Variants in CADM1 observed in about 807,000 individuals in gnomAD.
CADM1 encodes the protein TSLC-1.
A neutral mutation model predicts 53.1 loss-of-function variants in CADM1; 15 were observed. That is an observed-to-expected ratio of 0.28 (90% CI 0.19 to 0.44). CADM1 has a LOEUF of 0.44. Among genes scored for constraint, CADM1 ranks in the 20% least tolerant of loss-of-function variants. The probability of loss-of-function intolerance (pLI) is 1.00; values close to 1 mark genes in which losing one functional copy is unlikely to be tolerated. For synonymous variants in CADM1, 281 were observed against 243.0 expected (o/e 1.16, Z -1.45); for missense variants, 434 against 611.3 (o/e 0.71, Z 3.06).
At chr11:115,178,797 T>A in intron 10 of CADM1, 22 bp from the exon 11 acceptor site, 2 of 1,613,350 alleles carry the variant, frequency 1.2e-6, no homozygotes, top group Non-Finnish European at 1.7e-6. Flanking sequence ...AGAAGAGGAA[T>A]AGGGATGTAG....
intron 1 of CADM1, among the ~76,000 whole-genome samples, chr11:115,367,576 A>G (rs1946196608): frequency 6.6e-6 from 1 of 152,180 alleles, no homozygotes; most frequent in Non-Finnish European, 1.5e-5. Context: ...CCCACTGCCC[A>G]GTCAACCACT....
intron 1 of CADM1, among the ~76,000 whole-genome samples, chr11:115,503,672 A>T (rs1251990674): frequency 2.0e-5 from 3 of 151,962 alleles, no homozygotes; most frequent in Non-Finnish European, 2.9e-5. Flanking sequence ...GGGAAACACG[A>T]GAGGCGTGCA....
At chr11:115,229,380 T>C (rs1277504318) in intron 4 of CADM1, 109 bp from the exon 5 acceptor site, 19 of 989,852 alleles carry the variant, frequency 1.9e-5, no homozygotes, top group Middle Eastern at 2.4e-4. Context: ...TTTTAACAAA[T>C]ATGATGGCAG....
intron 1 of CADM1, chr11:115,256,739 G>A: frequency 2.2e-6 from 1 of 450,094 alleles, no homozygotes; most frequent in Admixed American, 2.4e-5. Flanking sequence ...CCTATTGTTT[G>A]TGTTCCTTAA....
intron 1 of CADM1, among the ~76,000 whole-genome samples, chr11:115,503,702 A>T (rs1949785653): frequency 6.6e-6 from 1 of 152,080 alleles, no homozygotes; most frequent in Non-Finnish European, 1.5e-5. Context: ...CAGGGGAGAA[A>T]GGCAGAGCGC....
At chr11:115,486,960 T>C (rs970283147) in intron 1 of CADM1, among the ~76,000 whole-genome samples, 3 of 152,162 alleles carry the variant, frequency 2.0e-5, no homozygotes, top group Non-Finnish European at 4.4e-5. Context: ...ACCAGTTCTC[T>C]GCTGTGGCCA....
At chr11:115,365,467 A>G (rs192676348) in intron 1 of CADM1, among the ~76,000 whole-genome samples, 1 of 152,268 alleles carries the variant, frequency 6.6e-6, no homozygotes, top group African/African-American at 2.4e-5. Flanking sequence ...AATCATAAAG[A>G]TTAGCATTGT....
At position 115,399,836 on chromosome 11, in the gene CADM1, G is replaced by A. The variant is rs578099881; in HGVS notation, c.124+104435C>T. Among the ~76,000 whole-genome samples, 134 of 151,898 alleles carry A rather than the reference G, an allele frequency of 8.8e-4. 1 individual carries two copies. Among genetic ancestry groups the A allele is most frequent in the Middle Eastern group, 6.8e-3 (2 of 294 alleles). On this transcript the variant is annotated intron_variant, in intron 1 of 11. Coordinates refer to ENST00000331581, the MANE Select transcript of CADM1 (RefSeq NM_001301043.2). Reference sequence around the variant, plus strand: ...ATATAGAAACCCTCTTTCACATAGCGTTAGCCAGTTCACAGTCCACCTGCG... The same window carrying A: ...ATATAGAAACCCTCTTTCACATAGCATTAGCCAGTTCACAGTCCACCTGCG...
chr11:115,221,081 G>A (rs149688010), intron 5 of CADM1, among the ~76,000 whole-genome samples: 215 of 152,306 alleles, frequency 1.4e-3, no homozygotes, highest in African/African-American at 5.1e-3. Flanking sequence ...TTACGCCTCG[G>A]TTGGTGTTGT....
chr11:115,339,991 A>AG (rs1394984010), intron 1 of CADM1: 3 of 151,924 alleles, frequency 2.0e-5, no homozygotes, highest in African/African-American at 7.3e-5. Flanking sequence ...AAAGTACCTC[A>AG]GATCAGATTT....
intron 1 of CADM1, among the ~76,000 whole-genome samples, chr11:115,267,667 A>C (rs1167266638): frequency 2.0e-5 from 3 of 147,722 alleles, no homozygotes; most frequent in African/African-American, 7.7e-5. Flanking sequence ...AAACTAACCT[A>C]AAATTGCTTT....
chr11:115,345,920 C>T (rs1945563445), intron 1 of CADM1, among the ~76,000 whole-genome samples: 1 of 142,122 alleles, frequency 7.0e-6, no homozygotes, highest in Non-Finnish European at 1.5e-5. Flanking sequence ...TGCATCTAAG[C>T]AATTATCTGA....
intron 1 of CADM1, among the ~76,000 whole-genome samples, chr11:115,428,671 C>T (rs915142318): frequency 3.3e-5 from 5 of 152,008 alleles, no homozygotes; most frequent in African/African-American, 1.2e-4. Flanking sequence ...CTATTTCTTG[C>T]CTTGTTATAA....
intron 1 of CADM1, among the ~76,000 whole-genome samples, chr11:115,411,525 T>C (rs552135713): frequency 1.3e-5 from 2 of 152,150 alleles, no homozygotes; most frequent in Admixed American, 1.3e-4. Flanking sequence ...ATCTGCCACA[T>C]GAAATCTAAA....
intron 1 of CADM1, among the ~76,000 whole-genome samples, chr11:115,242,645 G>A (rs1187427921): frequency 1.3e-5 from 2 of 152,164 alleles, no homozygotes; most frequent in Admixed American, 1.3e-4. Context: ...CTTGCTTTGA[G>A]TAGACAAGAA....
intron 1 of CADM1, among the ~76,000 whole-genome samples, chr11:115,388,342 T>C (rs1946751857): frequency 1.3e-5 from 2 of 152,074 alleles, no homozygotes; most frequent in Admixed American, 6.6e-5. Flanking sequence ...TGAAGTGTTA[T>C]AGTTGGAAAA....
At chr11:115,387,457 G>C (rs1946727136) in intron 1 of CADM1, among the ~76,000 whole-genome samples, 1 of 152,106 alleles carries the variant, frequency 6.6e-6, no homozygotes, top group Non-Finnish European at 1.5e-5. Flanking sequence ...TAACCACTAT[G>C]AAGAGAGGTG....
At position 115,175,608 on chromosome 11, in the gene CADM1, T is replaced by C; in HGVS notation, c.*866A>G. On this transcript the variant is annotated 3_prime_UTR_variant, in exon 12 of 12. Transcript: ENST00000331581. ...AACAGACCTCACCTGTCAGGTCTGT[T>C]TAGGGCATGGAAAAAGGAGGAGTCC... is the stretch of plus-strand genomic sequence containing the variant. 2.0e-6 allele frequency: 2 copies of C among 985,628 alleles called. No individual in the cohort carries two copies. The highest frequency in any genetic ancestry group is 9.4e-5 in the South Asian group (2 of 21,282). 61.1% of individuals were successfully genotyped at this position (985,628 alleles called of 1,614,324 possible).
At chr11:115,245,330 G>T (rs536322722) in intron 1 of CADM1, among the ~76,000 whole-genome samples, 1 of 152,024 alleles carries the variant, frequency 6.6e-6, no homozygotes, top group East Asian at 1.9e-4. Flanking sequence ...AATCAATATA[G>T]TAAGTTACTA....
Sources: gnomAD v4.1 joint callset for allele counts (sites outside exome capture counted in the v4.1 genomes callset) on GRCh38, gnomAD v4.1.1 for gene constraint, MANE v1.5 for transcripts, NCBI Gene and HGNC (gene_info 2026-07-23, HGNC 2026-07-21) for gene names.